Variants in PYHIN1 observed in about 807,000 individuals in gnomAD.
PYHIN1 encodes pyrin and HIN domain-containing protein 1.
In PYHIN1, 32 loss-of-function variants were observed where a neutral mutation model predicts 43.7. That is an observed-to-expected ratio of 0.73 (90% confidence interval 0.55 to 0.98). The LOEUF is 0.98. Ranked by LOEUF, PYHIN1 falls within the 50% of genes least tolerant of loss-of-function variation. The pLI, the probability that PYHIN1 is intolerant of heterozygous loss-of-function variation, is 0.00. For missense variants in PYHIN1, 588 were observed against 589.5 expected, an observed-to-expected ratio of 1.00 and a Z score of 0.03; for synonymous variants, 205 against 203.1, an observed-to-expected ratio of 1.01 and a Z score of -0.08.
intron 7 of PYHIN1, among the ~76,000 whole-genome samples, chr1:158,957,461 A>G (rs1650014567): frequency 1.3e-5 from 2 of 151,738 alleles, no homozygotes; most frequent in Non-Finnish European, 2.9e-5. Context: ...CATATCTACA[A>G]CTATCTGATC....
At chr1:158,968,256 A>G (rs1633291) in intron 7 of PYHIN1, among the ~76,000 whole-genome samples, 48,815 of 151,892 alleles carry the variant, frequency 0.32, 8,244 homozygotes, top group South Asian at 0.49. Context: ...CAAGAAAAAA[A>G]TGAGCCACCC....
chr1:158,950,838 T>G (rs1571745367), intron 7 of PYHIN1, among the ~76,000 whole-genome samples: 1 of 152,294 alleles, frequency 6.6e-6, no homozygotes, highest in East Asian at 1.9e-4. Context: ...CTATTCCACA[T>G]GTGACAAAAT....
intron 7 of PYHIN1, among the ~76,000 whole-genome samples, chr1:158,954,879 T>G (rs1408299426): frequency 2.3e-4 from 34 of 149,720 alleles, no homozygotes; most frequent in Non-Finnish European, 4.3e-4. Flanking sequence ...GAGACACACA[T>G]AGGCTCAAAA....
At chr1:158,969,504 G>T (rs916802174) in intron 7 of PYHIN1, among the ~76,000 whole-genome samples, 1 of 151,954 alleles carries the variant, frequency 6.6e-6, no homozygotes, top group African/African-American at 2.4e-5. Flanking sequence ...CCTATGTAAG[G>T]AGTTCTCATT....
At chr1:158,947,606 A>C (rs1056636517) in intron 7 of PYHIN1, among the ~76,000 whole-genome samples, 1 of 152,208 alleles carries the variant, frequency 6.6e-6, no homozygotes, top group African/African-American at 2.4e-5. Context: ...AATAACATAC[A>C]CTGACACAGA....
chr1:158,945,182 A>G, intron 7 of PYHIN1, 140 bp downstream of exon 7: 1 of 813,124 alleles, frequency 1.2e-6, no homozygotes. Context: ...TATTTATTGA[A>G]TGCATACAGT....
Position 158,944,014 on chromosome 1 carries a change from G to A in PYHIN1, c.1191+36G>A, listed in dbSNP as rs189465399. 715 of 1,518,386 alleles carry A rather than the reference G, an allele frequency of 4.7e-4. 5 individuals carry two copies. In the African/African-American group the frequency reaches 6.2e-3, roughly 13 times the overall value. 94.1% of individuals were successfully genotyped at this position (1,518,386 alleles called of 1,614,324 possible). A position where few individuals can be genotyped will look rare whatever the true frequency, so the allele number is the denominator to read the frequency against. On this transcript the variant is annotated intron_variant, in intron 6 of 8. Transcript: ENST00000368140. Reference sequence around the variant, plus strand: ...AAGAAACAAATATTAGTTTTCCAAAGATGAAAATCATTTGCTTTAAGTTTT... The same window carrying A: ...AAGAAACAAATATTAGTTTTCCAAAAATGAAAATCATTTGCTTTAAGTTTT...
intron 7 of PYHIN1, among the ~76,000 whole-genome samples, chr1:158,953,713 C>T (rs1285654836): frequency 1.3e-5 from 2 of 152,190 alleles, no homozygotes; most frequent in Admixed American, 6.5e-5. Context: ...TCCAAAGAAA[C>T]GCAGTTCCTC....
chr1:158,956,030 A>G (rs1461325734), intron 7 of PYHIN1, among the ~76,000 whole-genome samples: 1 of 146,418 alleles, frequency 6.8e-6, no homozygotes, highest in African/African-American at 2.5e-5. Flanking sequence ...CTCAACACAT[A>G]CACTCTCCCA....
chr1:158,938,282 A>G (rs1443475501), intron 2 of PYHIN1, 115 bp from the exon 3 acceptor site: 9 of 1,127,006 alleles, frequency 8.0e-6, no homozygotes, highest in African/African-American at 1.5e-5. Context: ...ATAGAGATAG[A>G]CTAAAATACA....
chr1:158,968,579 C>A (rs1169986508), intron 7 of PYHIN1, among the ~76,000 whole-genome samples: 2 of 152,120 alleles, frequency 1.3e-5, no homozygotes, highest in East Asian at 1.9e-4. Flanking sequence ...TTTGACCCAG[C>A]AATCCTAGTA....
At chr1:158,937,817 G>C (rs1402055764) in intron 2 of PYHIN1, among the ~76,000 whole-genome samples, 2 of 152,030 alleles carry the variant, frequency 1.3e-5, no homozygotes, top group African/African-American at 4.8e-5. Context: ...GTGGTGGCAG[G>C]CACCTGTAGT....
chr1:158,937,085 G>T lies in PYHIN1; in HGVS notation c.175G>T (p.Asp59Tyr). ...ADLMEEKFPGDAGLGKLIEFF... is the reference protein window; with the variant it reads ...ADLMEEKFPGYAGLGKLIEFF... The stretch of plus-strand genomic sequence containing the variant: ...CTTGATGGAGGAAAAGTTCCCAGGT[G>T]ATGCCGGTTTGGGCAAACTAATAGA... Residue 59 changes from aspartate (D) to tyrosine (Y), a missense_variant, in exon 2 of 9, where the codon GAT becomes TAT. Physicochemically the swap from Asp to Tyr is radical, Grantham distance 160. Transcript: ENST00000368140. 6.2e-7 allele frequency: 1 copy of T among 1,614,148 alleles called. No individual in the cohort carries two copies. The highest frequency in any genetic ancestry group is 2.2e-5 in the East Asian group (1 of 44,884).
At position 158,944,758 on chromosome 1, in the gene PYHIN1, C is replaced by A. The variant is rs985320625; in HGVS notation, c.1192-117C>A. Reference sequence around the variant, plus strand: ...GAGGAATACATTAGATAGAGGCAATCTTTGAAGGTAATGACATCTATTAGA... The same window carrying A: ...GAGGAATACATTAGATAGAGGCAATATTTGAAGGTAATGACATCTATTAGA... On this transcript the variant is annotated intron_variant, in intron 6 of 8. Transcript: ENST00000368140. 5.3e-6 allele frequency: 4 copies of A among 755,146 alleles called. No individual in the cohort carries two copies. The South Asian group carries it at 1.2e-4, about 23-fold the overall frequency. The allele number at this position is 755,146 out of a possible 1,614,324, so 46.8% of individuals were successfully genotyped here.
At chr1:158,963,086 C>T (rs1407711411) in intron 7 of PYHIN1, among the ~76,000 whole-genome samples, 2 of 152,164 alleles carry the variant, frequency 1.3e-5, no homozygotes, top group African/African-American at 4.8e-5. Flanking sequence ...TGTAACTTCC[C>T]ATTCTCTAGC....
chr1:158,938,399 G>A lies in PYHIN1; in HGVS notation c.268G>A (p.Ala90Thr), dbSNP rs199804938. 7 of 1,614,108 alleles carry A rather than the reference G, an allele frequency of 4.3e-6. No homozygotes were observed. The African/African-American group carries it at 9.3e-5, about 22-fold the overall frequency. The change falls in exon 3 of 9, where the codon GCA (alanine) becomes ACA (threonine). Residue 90 changes from alanine to threonine, a missense_variant and splice_region_variant. By Grantham distance (58) the Ala-to-Thr change is moderately conservative. Coordinates refer to ENST00000368140, the MANE Select transcript of PYHIN1 (RefSeq NM_152501.5). ...ETLKREKLKV[A>T]NKIESIPVKG... ...CATCTTCCTTTTTTCTGCATTAGTT[G>A]CAAATAAAATTGAATCCATTCCAGT... is the stretch of plus-strand genomic sequence containing the variant.
chr1:158,939,622 A>G, intron 4 of PYHIN1: 2 of 1,168,824 alleles, frequency 1.7e-6, no homozygotes, highest in South Asian at 2.6e-5. Flanking sequence ...TTCACACACC[A>G]TATTTCTTTC....
At chr1:158,970,312 G>A (rs2101730028) in intron 7 of PYHIN1, among the ~76,000 whole-genome samples, 1 of 152,000 alleles carries the variant, frequency 6.6e-6, no homozygotes, top group Admixed American at 6.6e-5. Context: ...TGATTTAGGG[G>A]GTACAAGTGC....
intron 7 of PYHIN1, among the ~76,000 whole-genome samples, chr1:158,969,270 G>A (rs1428990067): frequency 1.3e-5 from 2 of 151,946 alleles, no homozygotes; most frequent in African/African-American, 4.8e-5. Flanking sequence ...TGAGAAATTA[G>A]GTAACTGTGA....
Sources: allele counts gnomAD v4.1 joint callset (sites outside exome capture counted in the v4.1 genomes callset), GRCh38; gene constraint gnomAD v4.1.1; transcripts MANE v1.5; gene names NCBI Gene and HGNC (gene_info 2026-07-23, HGNC 2026-07-21).